The following OSBPL9 variants were observed in gnomAD, a reference collection of about 807,000 sequenced individuals.
OSBPL9 encodes the protein oxysterol binding protein like 9.
OSBPL9 carries 40 observed loss-of-function variants against 106.6 expected under a neutral mutation model. That is an observed-to-expected ratio of 0.38 (90% CI 0.29 to 0.49). OSBPL9 has a LOEUF of 0.49. OSBPL9 is among the 20% of genes least tolerant of loss of function. The probability of loss-of-function intolerance (pLI) is 0.97; values close to 1 mark genes in which losing one functional copy is unlikely to be tolerated. For synonymous variants in OSBPL9, 269 were observed against 295.4 expected (o/e 0.91, Z 0.92); for missense variants, 609 against 887.2 (o/e 0.69, Z 3.98).
chr1:51,543,964 A>C, the OSBPL9 span, among the ~76,000 whole-genome samples: 1 of 152,266 alleles, frequency 6.6e-6, no homozygotes, highest in Non-Finnish European at 1.5e-5. Flanking sequence ...TGGCTAGGAC[A>C]ATACTTCCCT....
intron 3 of OSBPL9, among the ~76,000 whole-genome samples, chr1:51,697,453 CTTT>C (rs759965779): frequency 8.7e-5 from 9 of 103,138 alleles, no homozygotes; most frequent in South Asian, 3.4e-4. Flanking sequence ...ATAGGGGTTA[CTTT>C]TTTTTTTTTT....
At chr1:51,712,085 G>T (rs1481521587) in intron 3 of OSBPL9, among the ~76,000 whole-genome samples, 1 of 151,220 alleles carries the variant, frequency 6.6e-6, no homozygotes, top group African/African-American at 2.5e-5. Flanking sequence ...AGGTTGTAGC[G>T]AGCCGAGATC....
chr1:51,722,402 C>G (rs1032746674), intron 4 of OSBPL9, among the ~76,000 whole-genome samples: 2 of 152,158 alleles, frequency 1.3e-5, no homozygotes, highest in Admixed American at 1.3e-4. Context: ...TTAAGTGGTA[C>G]TGAAAGGCTC....
chr1:51,559,836 C>T, the OSBPL9 span, among the ~76,000 whole-genome samples: 11 of 150,962 alleles, frequency 7.3e-5, no homozygotes, highest in East Asian at 2.1e-3. Context: ...GAAAGTTCTC[C>T]TTATGTATTA....
intron 3 of OSBPL9, among the ~76,000 whole-genome samples, chr1:51,698,172 T>G (rs1214678127): frequency 3.3e-5 from 5 of 152,068 alleles, no homozygotes; most frequent in African/African-American, 9.7e-5. Flanking sequence ...ATGAATAAGG[T>G]CAAAGCTAGG....
At chr1:51,634,364 A>G (rs1302137771) in intron 1 of OSBPL9, among the ~76,000 whole-genome samples, 2 of 152,128 alleles carry the variant, frequency 1.3e-5, no homozygotes, top group African/African-American at 4.8e-5. Flanking sequence ...CCTTTAATCA[A>G]CTCTGTGAAT....
At chr1:51,644,222 C>A (rs1646002425) in intron 1 of OSBPL9, among the ~76,000 whole-genome samples, 1 of 151,662 alleles carries the variant, frequency 6.6e-6, no homozygotes, top group African/African-American at 2.4e-5. Context: ...CTTATGACCT[C>A]ATGAAAGAAG....
rs917289082 is a variant in OSBPL9 at position 51,718,633 on chromosome 1, G to A, written c.318+4554G>A. On this transcript the variant is annotated intron_variant, in intron 4 of 23. Transcript: ENST00000428468. The stretch of plus-strand genomic sequence containing the variant: ...TCTAGAACTGTTAGAGGTCACAAAA[G>A]CAAGATGGTTGTATCTATCACAATT... 2.6e-5 allele frequency among the ~76,000 whole-genome samples: 4 copies of A among 152,174 alleles called. No individual in the cohort carries two copies. In the East Asian group the frequency reaches 7.7e-4, roughly 29 times the overall value.
chr1:51,641,774 G>T (rs915207451), intron 1 of OSBPL9, among the ~76,000 whole-genome samples: 15 of 152,078 alleles, frequency 9.9e-5, no homozygotes, highest in African/African-American at 3.6e-4. Flanking sequence ...TCAGCTTCCT[G>T]GGAGCACCGG....
rs557004752 is a variant in OSBPL9, at chr1:51,577,325, T to C, written c.-423+69T>C. ...AGGCATTTCTCTTTTTCTTTTCTTT[T>C]TTTTTTTTTTTTTTTTGACGAAGTC... On this transcript the variant is annotated intron_variant, in intron 1 of 25. Coordinates refer to the OSBPL9 transcript ENST00000371714. 202 of 110,736 alleles carry C rather than the reference T, an allele frequency of 1.8e-3. 1 individual carries two copies. Among genetic ancestry groups the C allele is most frequent in the Middle Eastern group, 4.5e-3 (1 of 222 alleles). The allele number at this position is 110,736 out of a possible 1,614,324, so 6.9% of individuals were successfully genotyped here.
intron 3 of OSBPL9, among the ~76,000 whole-genome samples, chr1:51,688,453 G>A (rs920700383): frequency 2.9e-5 from 4 of 137,436 alleles, no homozygotes; most frequent in African/African-American, 1.3e-4. Flanking sequence ...GCAAAGAGGC[G>A]AGATCCTTTT....
chr1:51,756,038 T>C (rs1670264630), intron 8 of OSBPL9, among the ~76,000 whole-genome samples: 1 of 152,220 alleles, frequency 6.6e-6, no homozygotes, highest in Non-Finnish European at 1.5e-5. Flanking sequence ...CCTGGAATTT[T>C]GAATGTGACT....
chr1:51,711,974 G>A (rs947299153), intron 3 of OSBPL9, among the ~76,000 whole-genome samples: 6 of 151,948 alleles, frequency 3.9e-5, no homozygotes, highest in East Asian at 1.9e-4. Context: ...GACGATGGGC[G>A]GCCAGGCAGA....
chr1:51,528,542 T>C, the OSBPL9 span, among the ~76,000 whole-genome samples: 2 of 146,360 alleles, frequency 1.4e-5, no homozygotes, highest in African/African-American at 5.1e-5. Flanking sequence ...AGACTCTGTC[T>C]CGGGGAAAAA....
intron 1 of OSBPL9, among the ~76,000 whole-genome samples, chr1:51,583,266 CAGGT>C (rs1473509680): frequency 1.1e-4 from 16 of 152,066 alleles, no homozygotes; most frequent in African/African-American, 3.9e-4. Flanking sequence ...GTGAGCTACA[CAGGT>C]AGAATGCCAT....
chr1:51,617,255 C>T (rs945480551), intron 1 of OSBPL9, 34 bp downstream of exon 1: 11 of 1,564,022 alleles, frequency 7.0e-6, no homozygotes, highest in East Asian at 2.3e-5. Flanking sequence ...CCAGGCGCCT[C>T]GGGGCCGCGT....
intron 15 of OSBPL9, among the ~76,000 whole-genome samples, chr1:51,777,862 C>T (rs1023676455): frequency 1.3e-5 from 2 of 152,118 alleles, no homozygotes; most frequent in Non-Finnish European, 2.9e-5. Flanking sequence ...GCCCCCAGAA[C>T]TATTTACAGG....
At chr1:51,560,987 G>A in the OSBPL9 span, 3 of 152,222 alleles carry the variant, frequency 2.0e-5, no homozygotes, top group South Asian at 2.1e-4. Flanking sequence ...GGTGGCTCAC[G>A]ATTGTAATCC....
chr1:51,744,012 T>G (rs996463102), intron 4 of OSBPL9, among the ~76,000 whole-genome samples: 1 of 152,154 alleles, frequency 6.6e-6, no homozygotes, highest in Non-Finnish European at 1.5e-5. Flanking sequence ...GTCATCTCAT[T>G]GGGAAGGGGC....
Sources: allele counts gnomAD v4.1 joint callset (sites outside exome capture counted in the v4.1 genomes callset), GRCh38; gene constraint gnomAD v4.1.1; transcripts MANE v1.5; gene names NCBI Gene and HGNC (gene_info 2026-07-23, HGNC 2026-07-21).